The following SCPEP1 variants were observed in gnomAD, a reference collection of about 807,000 sequenced individuals.
SCPEP1 encodes retinoid-inducible serine carboxypeptidase.
Under a neutral mutation model 63.8 loss-of-function variants are expected in SCPEP1, and 51 were observed. That is an observed-to-expected ratio of 0.80 (90% CI 0.64 to 1.01). SCPEP1 has a LOEUF of 1.01. SCPEP1 is among the 50% of genes least tolerant of loss of function. The pLI, the probability that SCPEP1 is intolerant of heterozygous loss-of-function variation, is 0.00. For synonymous variants in SCPEP1, 204 were observed against 207.8 expected, an observed-to-expected ratio of 0.98 and a Z score of 0.16; for missense variants, 499 against 554.9, an observed-to-expected ratio of 0.90 and a Z score of 1.01.
At chr17:56,990,954 A>G (rs1306492889) in intron 5 of SCPEP1, 145 bp from the exon 6 acceptor site, 2 of 707,490 alleles carry the variant, frequency 2.8e-6, no homozygotes, top group Non-Finnish European at 2.6e-6. Flanking sequence ...AACTTTTTGT[A>G]GAGATGGGGG....
At chr17:57,005,056 G>C (rs1314380418) in intron 12 of SCPEP1, among the ~76,000 whole-genome samples, 2 of 152,220 alleles carry the variant, frequency 1.3e-5, no homozygotes, top group Admixed American at 6.5e-5. Context: ...ACAATGCTGT[G>C]TTTTGATTAA....
intron 12 of SCPEP1, among the ~76,000 whole-genome samples, chr17:57,004,444 C>T (rs1161353786): frequency 6.6e-6 from 1 of 152,172 alleles, no homozygotes; most frequent in Non-Finnish European, 1.5e-5. Flanking sequence ...TTATTTATGG[C>T]TCTCAGGATC....
chr17:56,978,439 G>A (rs912362080), intron 1 of SCPEP1, among the ~76,000 whole-genome samples: 4 of 150,716 alleles, frequency 2.7e-5, no homozygotes, highest in Non-Finnish European at 5.9e-5. Context: ...TCTGGCTCTG[G>A]GTGGTCTGAG....
chr17:56,988,312 G>A, intron 5 of SCPEP1, 22 bp downstream of exon 5: 1 of 1,583,472 alleles, frequency 6.3e-7, no homozygotes, highest in Non-Finnish European at 8.6e-7. Context: ...TAACTTTGTT[G>A]TTATGGTTTT....
chr17:57,000,980 G>A lies in SCPEP1; in HGVS notation c.1120G>A (p.Val374Ile), dbSNP rs1295258781. 1.4e-5 allele frequency: 23 copies of A among 1,614,022 alleles called. No individual in the cohort carries two copies. Among genetic ancestry groups the A allele is most frequent in the African/African-American group, 8.0e-5 (6 of 74,908 alleles). Residue 374 changes from valine to isoleucine, a missense_variant, in exon 11 of 13, where the codon GTA (valine) becomes ATA (isoleucine). By Grantham distance (29) the Val-to-Ile change is conservative. Transcript: ENST00000262288. ...GTATAATGGACAGCTGGATCTCATC[G>A]TAGATACCATGGGTAGGAATTGACT... ...TVYNGQLDLIVDTMGQEAWVR... is the reference protein window; with the variant it reads ...TVYNGQLDLIIDTMGQEAWVR...
intron 6 of SCPEP1, chr17:56,994,764 T>C: frequency 2.2e-6 from 1 of 461,352 alleles, no homozygotes; most frequent in South Asian, 2.7e-5. Flanking sequence ...GTCTTAAGAG[T>C]CAACAGAAAG....
chr17:57,001,668 T>C (rs1911743346), intron 11 of SCPEP1, among the ~76,000 whole-genome samples: 1 of 152,220 alleles, frequency 6.6e-6, no homozygotes, highest in Admixed American at 6.5e-5. Context: ...GTGATCCTTA[T>C]CACTATCTCG....
intron 3 of SCPEP1, among the ~76,000 whole-genome samples, chr17:56,986,638 C>T (rs977944051): frequency 2.0e-5 from 3 of 151,296 alleles, no homozygotes; most frequent in Admixed American, 6.6e-5. Context: ...CTCCGCCTCC[C>T]GGGTTCACAC....
intron 3 of SCPEP1, 151 bp from the exon 4 acceptor site, chr17:56,987,544 T>C (rs1354788971): frequency 4.4e-6 from 3 of 684,034 alleles, no homozygotes; most frequent in Non-Finnish European, 6.7e-6. Context: ...CTGTCCCTTA[T>C]TTTTAAAAAT....
At chr17:57,004,928 T>G (rs957031170) in intron 12 of SCPEP1, among the ~76,000 whole-genome samples, 1 of 152,226 alleles carries the variant, frequency 6.6e-6, no homozygotes, top group African/African-American at 2.4e-5. Context: ...ATACCATTAA[T>G]ACAGTGGAAA....
Position 57,006,082 on chromosome 17 carries a change from C to A in SCPEP1, c.1297-91C>A, listed in dbSNP as rs1911882220. 8.9e-6 allele frequency: 9 copies of A among 1,012,622 alleles called. No homozygotes were observed. In the South Asian group the frequency reaches 1.5e-4, roughly 16 times the overall value. The allele number at this position is 1,012,622 out of a possible 1,614,324, so 62.7% of individuals were successfully genotyped here. A position where few individuals can be genotyped will look rare whatever the true frequency, so the allele number is the denominator to read the frequency against. ...CAGGTTGCTGTCACAGAGCTGGCTC[C>A]CTTTTGGGAGCAAGGTTTCAGGATG... On this transcript the variant is annotated intron_variant, in intron 12 of 12. Coordinates refer to ENST00000262288, the MANE Select transcript of SCPEP1 (RefSeq NM_021626.3).
At chr17:56,983,836 T>C (rs1911135188) in intron 2 of SCPEP1, 1 of 152,060 alleles carries the variant, frequency 6.6e-6, no homozygotes. Flanking sequence ...TGTCTTTTTT[T>C]TTTTTTTCTT....
At position 57,006,530 on chromosome 17, in the gene SCPEP1, G is replaced by C. The variant is rs1911902731; in HGVS notation, c.*295G>C. 4.8e-6 allele frequency: 1 copy of C among 208,980 alleles called. No homozygotes were observed. The highest frequency in any genetic ancestry group is 2.3e-5 in the African/African-American group (1 of 43,404). The allele number at this position is 208,980 out of a possible 1,614,324, so 12.9% of individuals were successfully genotyped here. The stretch of plus-strand genomic sequence containing the variant: ...ACAGAAGCAAATGATGTGATTTATA[G>C]AAAAACTGGGAAATACAGGTACCCA... On this transcript the variant is annotated 3_prime_UTR_variant, in exon 13 of 13. Coordinates refer to ENST00000262288, the MANE Select transcript of SCPEP1 (RefSeq NM_021626.3).
intron 1 of SCPEP1, among the ~76,000 whole-genome samples, chr17:56,980,141 A>G (rs2107434): frequency 0.77 from 116,620 of 151,984 alleles, 45,497 homozygotes; most frequent in East Asian, 0.99. Context: ...TTGAGATAGG[A>G]TCTCCCTCTG....
At chr17:56,990,701 C>T (rs903960763) in intron 5 of SCPEP1, among the ~76,000 whole-genome samples, 3 of 148,264 alleles carry the variant, frequency 2.0e-5, no homozygotes, top group Admixed American at 7.0e-5. Flanking sequence ...GTAGCATGAT[C>T]ATGGCTCACT....
At chr17:56,995,657 AG>A in intron 8 of SCPEP1, 22 bp downstream of exon 8, 1 of 1,611,382 alleles carries the variant, frequency 6.2e-7, no homozygotes. Context: ...AAACACTCAG[AG>A]GCGAGCCTGC....
chr17:57,000,160 A>G (rs1252938270), intron 10 of SCPEP1, among the ~76,000 whole-genome samples: 1 of 152,166 alleles, frequency 6.6e-6, no homozygotes, highest in Admixed American at 6.5e-5. Context: ...AAATAAGTAA[A>G]TAAATAAATA....
At chr17:56,997,147 T>A in intron 9 of SCPEP1, 92 bp downstream of exon 9, 3 of 761,234 alleles carry the variant, frequency 3.9e-6, no homozygotes, top group Non-Finnish European at 6.2e-6. Context: ...TTTATTAACA[T>A]ATAATTTGCA....
chr17:56,978,344 T>G, intron 1 of SCPEP1, 109 bp downstream of exon 1: 1 of 1,292,256 alleles, frequency 7.7e-7, no homozygotes, highest in Non-Finnish European at 1.0e-6. Flanking sequence ...TCCCCGGTTC[T>G]TACCTTGTGT....
Sources: gnomAD v4.1 joint callset for allele counts (sites outside exome capture counted in the v4.1 genomes callset) on GRCh38, gnomAD v4.1.1 for gene constraint, MANE v1.5 for transcripts, NCBI Gene and HGNC (gene_info 2026-07-23, HGNC 2026-07-21) for gene names.